Variants in SGCZ observed in about 807,000 individuals in gnomAD.
SGCZ encodes zeta-sarcoglycan.
A neutral mutation model predicts 41.3 loss-of-function variants in SGCZ; 40 were observed. The ratio of observed to expected loss-of-function variants is 0.97; its 90% CI spans 0.75 to 1.26. SGCZ has a LOEUF of 1.26. Ranked by LOEUF, SGCZ falls within the 50% of genes most tolerant of loss-of-function variation. The pLI, the probability that SGCZ is intolerant of heterozygous loss-of-function variation, is 0.00. For synonymous variants in SGCZ, 206 were observed against 137.5 expected, an observed-to-expected ratio of 1.50 and a Z score of -3.49; for missense variants, 552 against 369.8, an observed-to-expected ratio of 1.49 and a Z score of -4.04.
intron 1 of SGCZ, among the ~76,000 whole-genome samples, chr8:14,691,925 T>A (rs536740148): frequency 6.6e-6 from 1 of 152,122 alleles, no homozygotes; most frequent in East Asian, 1.9e-4. Flanking sequence ...GTGTTCTTGT[T>A]TTTTCAAAAT....
intron 1 of SGCZ, among the ~76,000 whole-genome samples, chr8:14,719,382 C>T (rs1313629969): frequency 3.3e-5 from 5 of 150,300 alleles, no homozygotes; most frequent in Admixed American, 1.3e-4. Flanking sequence ...AATGGGATGG[C>T]TGGGTCAAAT....
chr8:14,090,342 T>C lies in SGCZ; in HGVS notation c.*101A>G. 3.1e-6 allele frequency: 4 copies of C among 1,280,866 alleles called. No individual in the cohort carries two copies. Among genetic ancestry groups the C allele is most frequent in the Non-Finnish European group, 4.2e-6 (4 of 942,612 alleles). 79.3% of individuals were successfully genotyped at this position (1,280,866 alleles called of 1,614,324 possible). On this transcript the variant is annotated 3_prime_UTR_variant, in exon 8 of 8. Coordinates refer to ENST00000382080, the MANE Select transcript of SGCZ (RefSeq NM_139167.4). ...CACTGGAAGTTGCTCTGTGGACCAT[T>C]CGAAGAAGCTCTGGACTGATCACAA... is the stretch of plus-strand genomic sequence containing the variant.
At chr8:14,449,946 T>G (rs1012428076) in intron 2 of SGCZ, among the ~76,000 whole-genome samples, 1 of 152,096 alleles carries the variant, frequency 6.6e-6, no homozygotes, top group Non-Finnish European at 1.5e-5. Context: ...ATAGACAATA[T>G]AATGTGAAGA....
intron 2 of SGCZ, among the ~76,000 whole-genome samples, chr8:14,347,617 T>C (rs1802934142): frequency 7.0e-6 from 1 of 143,682 alleles, no homozygotes; most frequent in Admixed American, 6.8e-5. Context: ...ATAAAAATTA[T>C]AATTATAAAA....
intron 1 of SGCZ, among the ~76,000 whole-genome samples, chr8:14,700,719 T>A (rs1480115329): frequency 6.6e-6 from 1 of 152,022 alleles, no homozygotes; most frequent in Non-Finnish European, 1.5e-5. Flanking sequence ...ACAAAATACA[T>A]AACATTTTGG....
chr8:15,006,130 G>A (rs1156282475), intron 1 of SGCZ, among the ~76,000 whole-genome samples: 1 of 152,144 alleles, frequency 6.6e-6, no homozygotes, highest in African/African-American at 2.4e-5. Flanking sequence ...TTGTGGGAAA[G>A]AGAGAGGAAT....
chr8:14,288,522 G>A (rs1329002806), intron 3 of SGCZ, among the ~76,000 whole-genome samples: 2 of 152,016 alleles, frequency 1.3e-5, no homozygotes, highest in Non-Finnish European at 2.9e-5. Context: ...ATACAAATGG[G>A]CTTATATAAT....
intron 2 of SGCZ, among the ~76,000 whole-genome samples, chr8:14,355,970 A>G (rs945206839): frequency 1.3e-5 from 2 of 152,152 alleles, no homozygotes; most frequent in Non-Finnish European, 2.9e-5. Flanking sequence ...AGTAATACAC[A>G]TTCAGCAGAA....
Position 14,499,814 on chromosome 8 carries a change from T to G in SGCZ, c.234+54918A>C, listed in dbSNP as rs1802097746. On this transcript the variant is annotated intron_variant, in intron 2 of 7. Transcript: ENST00000382080. ...CCTTTGGCATCCCCTAGCTTCCAAT[T>G]ACTATACATCACTAAAATTGTATCC... is the stretch of plus-strand genomic sequence containing the variant. 3.9e-5 allele frequency among the ~76,000 whole-genome samples: 6 copies of G among 152,054 alleles called. No homozygotes were observed. In the South Asian group the frequency reaches 1.2e-3, roughly 31 times the overall value.
chr8:14,230,876 A>G (rs928432575), intron 4 of SGCZ, among the ~76,000 whole-genome samples: 7 of 151,986 alleles, frequency 4.6e-5, no homozygotes, highest in Admixed American at 1.3e-4. Flanking sequence ...GTGAAACACG[A>G]AAGAGTATCT....
At chr8:14,125,881 C>T (rs999333230) in intron 5 of SGCZ, among the ~76,000 whole-genome samples, 66 of 152,276 alleles carry the variant, frequency 4.3e-4, no homozygotes, top group Admixed American at 2.4e-3. Flanking sequence ...GAAAAGGATT[C>T]CCTATTCAAT....
At chr8:14,204,931 G>A (rs1409067961) in intron 4 of SGCZ, among the ~76,000 whole-genome samples, 1 of 152,002 alleles carries the variant, frequency 6.6e-6, no homozygotes, top group Non-Finnish European at 1.5e-5. Flanking sequence ...GGAATTCCAG[G>A]TCTCCAGCTT....
At chr8:15,014,514 C>T (rs1421474944) in intron 1 of SGCZ, among the ~76,000 whole-genome samples, 2 of 152,206 alleles carry the variant, frequency 1.3e-5, no homozygotes, top group Non-Finnish European at 2.9e-5. Flanking sequence ...AAGAAAGTTT[C>T]AGTGCAGGTG....
chr8:14,749,680 C>G (rs1799442275), intron 1 of SGCZ, among the ~76,000 whole-genome samples: 1 of 151,956 alleles, frequency 6.6e-6, no homozygotes, highest in African/African-American at 2.4e-5. Context: ...GTTACCATAG[C>G]AAAGAAATAT....
At chr8:14,888,131 A>G (rs763267926) in intron 1 of SGCZ, among the ~76,000 whole-genome samples, 1 of 152,230 alleles carries the variant, frequency 6.6e-6, no homozygotes, top group Non-Finnish European at 1.5e-5. Context: ...GACAAAGAAT[A>G]TAAACTGAGC....
At chr8:14,964,483 A>T (rs1195815544) in intron 1 of SGCZ, among the ~76,000 whole-genome samples, 2 of 152,152 alleles carry the variant, frequency 1.3e-5, no homozygotes, top group Non-Finnish European at 2.9e-5. Flanking sequence ...CTCTAAAACA[A>T]AAAGATTGTG....
At chr8:14,323,433 G>C (rs867146604) in intron 3 of SGCZ, among the ~76,000 whole-genome samples, 3 of 151,898 alleles carry the variant, frequency 2.0e-5, no homozygotes, top group Non-Finnish European at 4.4e-5. Context: ...AAATATCTCA[G>C]GGGGAATGTA....
chr8:14,204,920 T>C (rs1805570392), intron 4 of SGCZ, among the ~76,000 whole-genome samples: 1 of 152,102 alleles, frequency 6.6e-6, no homozygotes, highest in Admixed American at 6.6e-5. Flanking sequence ...GCCTTGTTAC[T>C]GGAATTCCAG....
At chr8:14,423,176 G>T (rs112754577) in intron 2 of SGCZ, among the ~76,000 whole-genome samples, 40 of 151,814 alleles carry the variant, frequency 2.6e-4, no homozygotes, top group Admixed American at 6.6e-4. Flanking sequence ...GTGGGCGGAG[G>T]GGGGAGGGAT....
Sources: gnomAD v4.1 joint callset for allele counts (sites outside exome capture counted in the v4.1 genomes callset) on GRCh38, gnomAD v4.1.1 for gene constraint, MANE v1.5 for transcripts, NCBI Gene and HGNC (gene_info 2026-07-23, HGNC 2026-07-21) for gene names.